The following SAMD15 variants were observed in gnomAD, a reference collection of about 807,000 sequenced individuals.
SAMD15 encodes sterile alpha motif domain containing 15, also known as sterile alpha motif domain-containing protein 15.
Under a neutral mutation model 50.5 loss-of-function variants are expected in SAMD15, and 37 were observed. That is an observed-to-expected ratio of 0.73 (90% confidence interval 0.56 to 0.96). The LOEUF (loss-of-function observed/expected upper bound fraction) is 0.96. Among genes scored for constraint, SAMD15 ranks in the 40% least tolerant of loss-of-function variants. The pLI, the probability that SAMD15 is intolerant of heterozygous loss-of-function variation, is 0.00. For missense variants in SAMD15, 789 were observed against 783.8 expected (o/e 1.01, Z -0.08); for synonymous variants, 255 against 282.8 (o/e 0.90, Z 0.99).
Position 77,377,891 on chromosome 14 carries a change from ATC to A in SAMD15, c.474_475del (p.Pro159ArgfsTer11). ...TTCCTAGAGTCAGCTATGGAAACAG[ATC>A]CAGATCCAGTGCCACCAACGGAAAC... is the stretch of plus-strand genomic sequence containing the variant. On this transcript the variant is annotated frameshift_variant, in exon 1 of 3. Coordinates refer to ENST00000216471, the MANE Select transcript of SAMD15 (RefSeq NM_001010860.4). LOFTEE classifies it high-confidence loss of function. 6.2e-7 allele frequency: 1 copy of A among 1,614,156 alleles called. No homozygotes were observed. Among genetic ancestry groups the A allele is most frequent in the Non-Finnish European group, 8.5e-7 (1 of 1,179,998 alleles).
rs935238751 is a variant in SAMD15, at chr14:77,381,487, C to G, written c.1788+1006C>G. Among the ~76,000 whole-genome samples, 7 of 152,248 alleles carry G rather than the reference C, an allele frequency of 4.6e-5. No homozygotes were observed. The South Asian group carries it at 6.2e-4, about 14-fold the overall frequency. ...ACCCATGCCCAGAAATGTACCACCT[C>G]AGTGGTTTCCAAACTTGGGTCGTCT... On this transcript the variant is annotated intron_variant, in intron 2 of 2. Transcript: ENST00000216471.
chr14:77,386,685 A>G (rs1894009268), intron 2 of SAMD15, among the ~76,000 whole-genome samples: 1 of 152,158 alleles, frequency 6.6e-6, no homozygotes, highest in African/African-American at 2.4e-5. Context: ...TCATATTTTA[A>G]CCACAACAAT....
intron 2 of SAMD15, among the ~76,000 whole-genome samples, chr14:77,382,898 T>A (rs1487638112): frequency 1.3e-5 from 2 of 151,680 alleles, no homozygotes; most frequent in Non-Finnish European, 2.9e-5. Context: ...GTATTTTTAG[T>A]GGAGCCGGGG....
Position 77,382,250 on chromosome 14 carries a change from G to A in SAMD15, c.1788+1769G>A, listed in dbSNP as rs1207621980. 3.3e-5 allele frequency among the ~76,000 whole-genome samples: 5 copies of A among 151,428 alleles called. No homozygotes were observed. In the South Asian group the frequency reaches 8.4e-4, roughly 25 times the overall value. On this transcript the variant is annotated intron_variant, in intron 2 of 2. Transcript: ENST00000216471. The stretch of plus-strand genomic sequence containing the variant: ...AGCGATTTTCCTGCCTCAGCCTCCC[G>A]AGTAGCTGGGACTACAGGCGCGTGG...
rs747929903 is a variant in SAMD15 at position 77,378,726 on chromosome 14, CGAT to C, written c.1311_1313del (p.Asp437del). ...TAAAGTCTAAGTATTCTGTAGGAAACGATGAGCTAGAGCACCGTGAGCCTAAAA... is the reference window on the plus strand; with the variant it reads ...TAAAGTCTAAGTATTCTGTAGGAAACGAGCTAGAGCACCGTGAGCCTAAAA... On this transcript the variant is annotated inframe_deletion, in exon 1 of 3. Coordinates refer to ENST00000216471, the MANE Select transcript of SAMD15 (RefSeq NM_001010860.4). The C allele has an allele frequency of 1.2e-6, 2 of 1,613,136 alleles. No individual in the cohort carries two copies. Among genetic ancestry groups the C allele is most frequent in the East Asian group, 2.2e-5 (1 of 44,882 alleles).
chr14:77,381,443 C>T (rs1337759525), intron 2 of SAMD15, among the ~76,000 whole-genome samples: 1 of 152,184 alleles, frequency 6.6e-6, no homozygotes, highest in African/African-American at 2.4e-5. Flanking sequence ...CTTGGCATAA[C>T]CATGGTTTTG....
chr14:77,387,159 A>G (rs1894014531), intron 2 of SAMD15, among the ~76,000 whole-genome samples: 1 of 152,150 alleles, frequency 6.6e-6, no homozygotes, highest in Admixed American at 6.6e-5. Flanking sequence ...GAGGCCGGGC[A>G]CAGTAGCTCA....
At position 77,377,646 on chromosome 14, in the gene SAMD15, G is replaced by T; in HGVS notation, c.228G>T (p.Gln76His). Reference protein sequence around the residue: ...EGEPDSAKNVQLKPGGTSQEG... With the variant: ...EGEPDSAKNVHLKPGGTSQEG... ...AGCCAGACAGTGCTAAGAACGTGCA[G>T]CTGAAACCTGGCGGGACGTCCCAGG... is the stretch of plus-strand genomic sequence containing the variant. Residue 76 changes from glutamine (Q) to histidine (H), a missense_variant, in exon 1 of 3, where the codon CAG (glutamine) becomes CAT (histidine). Gln to His is a conservative substitution (Grantham distance 24, BLOSUM62 0). Transcript: ENST00000216471. The T allele has an allele frequency of 1.2e-6, 2 of 1,614,198 alleles. No individual in the cohort carries two copies. The highest frequency in any genetic ancestry group is 1.7e-6 in the Non-Finnish European group (2 of 1,180,034).
Position 77,391,032 on chromosome 14 carries a change from C to A in SAMD15, c.1813C>A (p.Leu605Ile). 6.2e-7 allele frequency: 1 copy of A among 1,612,552 alleles called. No homozygotes were observed. The highest frequency in any genetic ancestry group is 1.1e-5 in the South Asian group (1 of 90,696). The stretch of plus-strand genomic sequence containing the variant: ...GGCAATTTCTCGGCATACGCAGGAG[C>A]TCCTGGAAATTGAAGAGCCATTATT... ...MKAISRHTQELLEIEEPLFKR... is the reference protein window; with the variant it reads ...MKAISRHTQEILEIEEPLFKR... Residue 605 changes from leucine to isoleucine, a missense_variant, in exon 3 of 3, where the codon CTC becomes ATC. Leu to Ile is a conservative substitution (Grantham distance 5). Around this residue, in one of 2 missense-constraint regions of SAMD15, gnomAD observed 770 missense variants for 745.4 expected, o/e 1.03. Coordinates refer to ENST00000216471, the MANE Select transcript of SAMD15 (RefSeq NM_001010860.4).
rs1894071694 is a variant in SAMD15 at position 77,391,437 on chromosome 14, C to T, written c.*193C>T. ...CAACCTTGCGATTCTCCTGTCTCAG[C>T]CTCCCGAGTAGCTGGGATTACAGGC... On this transcript the variant is annotated 3_prime_UTR_variant, in exon 3 of 3. Transcript: ENST00000216471. 4.4e-6 allele frequency: 2 copies of T among 454,228 alleles called. No individual in the cohort carries two copies. Among genetic ancestry groups the T allele is most frequent in the South Asian group, 8.9e-5 (2 of 22,540 alleles). 28.1% of individuals were successfully genotyped at this position (454,228 alleles called of 1,614,324 possible). A position where few individuals can be genotyped will look rare whatever the true frequency, so the allele number is the denominator to read the frequency against.
intron 2 of SAMD15, among the ~76,000 whole-genome samples, chr14:77,387,001 T>C (rs1471099499): frequency 6.6e-6 from 1 of 152,222 alleles, no homozygotes; most frequent in Non-Finnish European, 1.5e-5. Flanking sequence ...CCTTAGAATG[T>C]AGAATTATGA....
intron 1 of SAMD15, among the ~76,000 whole-genome samples, chr14:77,379,403 T>C (rs1227406086): frequency 6.6e-6 from 1 of 151,858 alleles, no homozygotes; most frequent in Non-Finnish European, 1.5e-5. Context: ...TTTTTTTTTT[T>C]GAGACACAAT....
chr14:77,387,366 G>A (rs1594863009), intron 2 of SAMD15, among the ~76,000 whole-genome samples: 2 of 152,048 alleles, frequency 1.3e-5, no homozygotes, highest in African/African-American at 2.4e-5. Context: ...AACCCAGGAG[G>A]TCAAGGCTGC....
chr14:77,390,080 C>A (rs1405656405), intron 2 of SAMD15, among the ~76,000 whole-genome samples: 1 of 151,616 alleles, frequency 6.6e-6, no homozygotes, highest in Non-Finnish European at 1.5e-5. Flanking sequence ...ACTGCAACCT[C>A]CATCTCCCAG....
rs146538933 is a variant in SAMD15 at position 77,377,873 on chromosome 14, A to T, written c.455A>T (p.Glu152Val). 335 of 1,614,212 alleles carry T rather than the reference A, an allele frequency of 2.1e-4. 2 individuals carry two copies. In the African/African-American group the frequency reaches 3.9e-3, roughly 19 times the overall value. Residue 152 changes from glutamate (E) to valine (V), a missense_variant, in exon 1 of 3, where the codon GAG becomes GTG. Physicochemically the swap from Glu to Val is moderately radical, Grantham distance 121 (BLOSUM62 -2). Around this residue, in one of 2 missense-constraint regions of SAMD15, gnomAD observed 770 missense variants for 745.4 expected, o/e 1.03. Transcript: ENST00000216471. ...AATGTTACAGAGGATGTGTTCCTAG[A>T]GTCAGCTATGGAAACAGATCCAGAT... ...KPNVTEDVFL[E>V]SAMETDPDPV...
In SAMD15 at chr14:77,378,196, G is replaced by A. The variant is rs373063863; in HGVS notation, c.778G>A (p.Ala260Thr). The change falls in exon 1 of 3, where the codon GCT becomes ACT. Residue 260 changes from alanine (A) to threonine (T), a missense_variant. Ala to Thr is a moderately conservative substitution (Grantham distance 58, BLOSUM62 0). This residue lies in a region of SAMD15 where 770 missense variants were observed against 745.4 expected (regional missense o/e 1.03). Coordinates refer to ENST00000216471, the MANE Select transcript of SAMD15 (RefSeq NM_001010860.4). The part of the protein sequence containing the change: ...EKKRTEPPEQ[A>T]RLEFLEKEPR... ...GAAAAGGACAGAGCCACCCGAGCAGGCTAGACTGGAATTTCTGGAGAAGGA... is the reference window on the plus strand; with the variant it reads ...GAAAAGGACAGAGCCACCCGAGCAGACTAGACTGGAATTTCTGGAGAAGGA... 90 of 1,613,994 alleles carry A rather than the reference G, an allele frequency of 5.6e-5. No individual in the cohort carries two copies. Among genetic ancestry groups the A allele is most frequent in the Non-Finnish European group, 7.5e-5 (89 of 1,179,994 alleles).
At position 77,391,095 on chromosome 14, in the gene SAMD15, G is replaced by A. The variant is rs267604065; in HGVS notation, c.1876G>A (p.Gly626Ser). 9.9e-6 allele frequency: 16 copies of A among 1,613,726 alleles called. No individual in the cohort carries two copies. The highest frequency in any genetic ancestry group is 2.7e-5 in the African/African-American group (2 of 74,862). The change falls in exon 3 of 3, where the codon GGC becomes AGC. Residue 626 changes from glycine to serine, a missense_variant. Gly to Ser is a moderately conservative substitution (Grantham distance 56, BLOSUM62 0). Transcript: ENST00000216471. ...CAGCCTTCCCTATAGGGATATTATCGGCTTATATTTAGAGCAAAAAGGTCA... is the reference window on the plus strand; with the variant it reads ...CAGCCTTCCCTATAGGGATATTATCAGCTTATATTTAGAGCAAAAAGGTCA... ...SISLPYRDII[G>S]LYLEQKGHTG...
chr14:77,381,260 T>G (rs1340995068), intron 2 of SAMD15, among the ~76,000 whole-genome samples: 2 of 152,154 alleles, frequency 1.3e-5, no homozygotes, highest in Admixed American at 6.6e-5. Context: ...CATTAACCAC[T>G]CTGAGCATCA....
intron 2 of SAMD15, among the ~76,000 whole-genome samples, chr14:77,386,398 C>T (rs1241093711): frequency 1.3e-5 from 2 of 152,130 alleles, no homozygotes; most frequent in Non-Finnish European, 2.9e-5. Context: ...GGCTTCCTTT[C>T]CTTAGCAAAA....
Sources: allele counts gnomAD v4.1 joint callset (sites outside exome capture counted in the v4.1 genomes callset), GRCh38; gene constraint gnomAD v4.1.1; regional missense constraint gnomAD v4.1.1; transcripts MANE v1.5; gene names NCBI Gene and HGNC (gene_info 2026-07-23, HGNC 2026-07-21).